The following ZPBP variants were observed in gnomAD, a reference collection of about 807,000 sequenced individuals.
The protein encoded by ZPBP is zona pellucida-binding protein 1.
In ZPBP, 26 loss-of-function variants were observed where a neutral mutation model predicts 44.8. That is an observed-to-expected ratio of 0.58 (90% confidence interval 0.43 to 0.81). The LOEUF (loss-of-function observed/expected upper bound fraction) is 0.81, where lower values mean the gene tolerates loss of function less well. ZPBP is among the 30% of genes least tolerant of loss of function. The pLI is 0.00. For missense variants in ZPBP, 409 were observed against 434.0 expected (o/e 0.94, Z 0.51); for synonymous variants, 174 against 153.2 (o/e 1.14, Z -1.00).
intron 4 of ZPBP, among the ~76,000 whole-genome samples, chr7:50,047,080 A>G (rs1800408672): frequency 6.6e-6 from 1 of 152,006 alleles, no homozygotes; most frequent in Non-Finnish European, 1.5e-5. Flanking sequence ...TCACTCATAA[A>G]GGGGAGCTGA....
chr7:49,970,522 G>T (rs1489713872), intron 7 of ZPBP, among the ~76,000 whole-genome samples: 3 of 91,068 alleles, frequency 3.3e-5, no homozygotes, highest in African/African-American at 1.4e-4. Context: ...TTTGTCAAGG[G>T]CACATGAAAC....
intron 2 of ZPBP, among the ~76,000 whole-genome samples, chr7:50,088,343 T>C (rs992650800): frequency 6.6e-6 from 1 of 151,984 alleles, no homozygotes; most frequent in African/African-American, 2.4e-5. Flanking sequence ...AACATAGGAA[T>C]AACACTTTGT....
chr7:50,070,675 T>C (rs983983235), intron 3 of ZPBP, among the ~76,000 whole-genome samples: 19 of 152,014 alleles, frequency 1.2e-4, no homozygotes, highest in Admixed American at 4.6e-4. Context: ...TGGATTAACA[T>C]CCAAAGGACT....
intron 2 of ZPBP, among the ~76,000 whole-genome samples, chr7:49,873,472 G>A (rs1791261303): frequency 6.6e-6 from 1 of 152,104 alleles, no homozygotes; most frequent in African/African-American, 2.4e-5. Context: ...CATCACCTAG[G>A]GGGTTAACAT....
intron 2 of ZPBP, among the ~76,000 whole-genome samples, chr7:49,854,166 A>AATAAGCAT (rs1180966178): frequency 2.0e-5 from 3 of 152,146 alleles, no homozygotes; most frequent in African/African-American, 4.8e-5. Context: ...ATAGTGCCGC[A>AATAAGCAT]ATAAGCATAC....
chr7:50,007,315 T>C (rs1798354245), intron 6 of ZPBP, among the ~76,000 whole-genome samples: 1 of 151,958 alleles, frequency 6.6e-6, no homozygotes, highest in Non-Finnish European at 1.5e-5. Context: ...CCTAGAAACA[T>C]ACAACCTACA....
chr7:49,940,139 C>T (rs550211642), intron 7 of ZPBP, among the ~76,000 whole-genome samples: 1 of 152,266 alleles, frequency 6.6e-6, no homozygotes, highest in African/African-American at 2.4e-5. Context: ...CAAACCCTCT[C>T]TTTGTTCTCT....
intron 7 of ZPBP, among the ~76,000 whole-genome samples, chr7:49,981,787 GATTAT>G (rs1237440065): frequency 3.4e-5 from 3 of 86,998 alleles, no homozygotes; most frequent in Non-Finnish European, 6.0e-5. Flanking sequence ...GAATTATATA[GATTAT>G]ATAATTATAT....
chr7:50,019,391 T>A (rs1179595296), intron 5 of ZPBP, among the ~76,000 whole-genome samples: 1 of 152,144 alleles, frequency 6.6e-6, no homozygotes. Context: ...TAAGTGTTCA[T>A]CTCCTTAATA....
At chr7:50,001,275 C>T (rs573991577) in intron 6 of ZPBP, among the ~76,000 whole-genome samples, 29 of 152,168 alleles carry the variant, frequency 1.9e-4, no homozygotes, top group Admixed American at 3.3e-4. Flanking sequence ...AAATCAGAGA[C>T]TTCAAAGAAC....
At chr7:49,969,107 A>C (rs1342493605) in intron 7 of ZPBP, among the ~76,000 whole-genome samples, 1 of 151,002 alleles carries the variant, frequency 6.6e-6, no homozygotes, top group African/African-American at 2.4e-5. Context: ...CCTTCTATTA[A>C]TGTAAACTTG....
chr7:49,870,515 A>G (rs1243287109), intron 2 of ZPBP, among the ~76,000 whole-genome samples: 1 of 152,236 alleles, frequency 6.6e-6, no homozygotes, highest in Non-Finnish European at 1.5e-5. Flanking sequence ...TGAATATAAA[A>G]CTAAACATTT....
chr7:50,077,279 C>G (rs745655726), intron 3 of ZPBP, among the ~76,000 whole-genome samples: 3 of 151,758 alleles, frequency 2.0e-5, no homozygotes, highest in Non-Finnish European at 3.0e-5. Context: ...AATCTAATAC[C>G]TCAAACTCTG....
At chr7:50,010,475 TA>T (rs375627378) in intron 6 of ZPBP, among the ~76,000 whole-genome samples, 126 of 152,008 alleles carry the variant, frequency 8.3e-4, no homozygotes, top group African/African-American at 2.8e-3. Context: ...AGAAAATTAC[TA>T]AAACGTTATC....
At chr7:49,945,651 A>T (rs1224217925) in intron 7 of ZPBP, among the ~76,000 whole-genome samples, 2 of 151,738 alleles carry the variant, frequency 1.3e-5, no homozygotes, top group Non-Finnish European at 2.9e-5. Flanking sequence ...TCCTGATATA[A>T]GTATAGCTAC....
downstream of ZPBP, among the ~76,000 whole-genome samples, chr7:49,934,662 A>G (rs748832134): frequency 6.6e-6 from 1 of 152,142 alleles, no homozygotes; most frequent in Non-Finnish European, 1.5e-5. Context: ...TCACTCATTT[A>G]TATTATTTTC....
At chr7:49,960,893 AACACAAGTTATACTGCAT>A (rs767945185) in intron 7 of ZPBP, among the ~76,000 whole-genome samples, 93 of 44,414 alleles carry the variant, frequency 2.1e-3, no homozygotes, top group Non-Finnish European at 4.5e-3. Context: ...ATTGCTGTAT[AACACAAGTTATACTGCAT>A]AACACAAGTT....
In ZPBP at chr7:50,093,127, A is replaced by G. The variant is rs559618813; in HGVS notation, c.68T>C (p.Leu23Pro). Residue 23 changes from leucine (L) to proline (P), a missense_variant, in exon 1 of 8, where the codon CTC becomes CCC. This residue lies in a region of ZPBP where 367 missense variants were observed against 363.1 expected (regional missense o/e 1.01). Transcript: ENST00000046087. ...RRRTRAAGSL[L>P]SRAAILLFIS... The stretch of plus-strand genomic sequence containing the variant: ...AAAGAGGAGGATGGCGGCCCGAGAG[A>G]GCAGGGAGCCGGCGGCCCGGGTCCG... 6 of 1,570,208 alleles carry G rather than the reference A, an allele frequency of 3.8e-6. No individual in the cohort carries two copies. The highest frequency in any genetic ancestry group is 5.2e-6 in the Non-Finnish European group (6 of 1,159,622).
chr7:49,883,105 C>T lies in ZPBP; in HGVS notation n.509+18013G>A, dbSNP rs535480236. ...CCAGATGAAATGGGCCAGAGATTTC[C>T]CAAAAGAAACAACTTTGAGGGGAAA... On this transcript the variant is annotated intron_variant and non_coding_transcript_variant, in intron 2 of 2. Transcript: ENST00000465922. Among the ~76,000 whole-genome samples the T allele has an allele frequency of 1.6e-4, 25 of 152,078 alleles. No homozygotes were observed. The South Asian group carries it at 5.2e-3, about 32-fold the overall frequency.
Sources: allele counts gnomAD v4.1 joint callset (sites outside exome capture counted in the v4.1 genomes callset), GRCh38; gene constraint gnomAD v4.1.1; regional missense constraint gnomAD v4.1.1; transcripts MANE v1.5; gene names NCBI Gene and HGNC (gene_info 2026-07-23, HGNC 2026-07-21).